Variants in PTPN21 observed in about 807,000 individuals in gnomAD.
The protein encoded by PTPN21 is protein tyrosine phosphatase non-receptor type 21, also known as tyrosine-protein phosphatase non-receptor type 21.
In PTPN21, 77 loss-of-function variants were observed where a neutral mutation model predicts 131.8. That is an observed-to-expected ratio of 0.58 (90% CI 0.49 to 0.71). The LOEUF (loss-of-function observed/expected upper bound fraction) is 0.71. Ranked by LOEUF, PTPN21 falls within the 30% of genes least tolerant of loss-of-function variation. The pLI is 0.00. For missense variants in PTPN21, 1,552 were observed against 1,527.1 expected (o/e 1.02, Z -0.27); for synonymous variants, 715 against 621.3 (o/e 1.15, Z -2.24).
chr14:88,535,834 G>A (rs2078623102), intron 2 of PTPN21, among the ~76,000 whole-genome samples: 3 of 152,176 alleles, frequency 2.0e-5, no homozygotes, highest in African/African-American at 7.2e-5. Flanking sequence ...CTTGGTCTAG[G>A]ATATCTTCCC....
intron 5 of PTPN21, 115 bp from the exon 6 acceptor site, chr14:88,504,610 G>A: frequency 1.3e-6 from 1 of 769,412 alleles, no homozygotes. Context: ...TATGACTATT[G>A]TTACTATATG....
At chr14:88,521,490 C>T (rs2078391287) in intron 2 of PTPN21, among the ~76,000 whole-genome samples, 4 of 151,690 alleles carry the variant, frequency 2.6e-5, no homozygotes, top group Admixed American at 6.6e-5. Context: ...GCAACCTCTG[C>T]CTTCCAGTTT....
rs1333409611 is a variant in PTPN21, at chr14:88,518,495, A to G, written c.181-1234T>C. On this transcript the variant is annotated intron_variant, in intron 2 of 18. Coordinates refer to ENST00000556564, the MANE Select transcript of PTPN21 (RefSeq NM_007039.4). The stretch of plus-strand genomic sequence containing the variant: ...GCCCAGGCTACAGTGCAGTGGCGCA[A>G]TCTCAGCTCACTGCAACCTCCGCTT... 2.4e-5 allele frequency among the ~76,000 whole-genome samples: 3 copies of G among 123,226 alleles called. No homozygotes were observed. The Admixed American group carries it at 2.8e-4, about 12-fold the overall frequency. The allele number at this position is 123,226 out of a possible 152,430, so 80.8% of individuals were successfully genotyped here. A position where few individuals can be genotyped will look rare whatever the true frequency, so the allele number is the denominator to read the frequency against.
chr14:88,541,247 T>C (rs1265510280), intron 2 of PTPN21, among the ~76,000 whole-genome samples: 3 of 152,212 alleles, frequency 2.0e-5, no homozygotes, highest in Non-Finnish European at 4.4e-5. Context: ...GTTAGCATCT[T>C]AGGCAAAAAC....
intron 6 of PTPN21, among the ~76,000 whole-genome samples, chr14:88,502,813 C>T (rs2078030941): frequency 6.6e-6 from 1 of 152,020 alleles, no homozygotes; most frequent in Non-Finnish European, 1.5e-5. Context: ...GGGTAATGAA[C>T]TTGGGCTAGT....
intron 1 of PTPN21, chr14:88,552,304 C>T (rs1401448701): frequency 4.6e-5 from 7 of 152,220 alleles, no homozygotes. Context: ...AAAAGGGTTC[C>T]GCTACTACCC....
rs750012248 is a variant in PTPN21, at chr14:88,469,821, AC to A, written c.3001-89del. 2 of 1,600,864 alleles carry A rather than the reference AC, an allele frequency of 1.2e-6. No homozygotes were observed. Among genetic ancestry groups the A allele is most frequent in the South Asian group, 2.2e-5 (2 of 90,712 alleles). The stretch of plus-strand genomic sequence containing the variant: ...ACGGCACATCTGAAACAGAACCACA[AC>A]CCTACCCTGCCTTTTTCTCCACAGG... On this transcript the variant is annotated intron_variant, in intron 16 of 18. Coordinates refer to ENST00000556564, the MANE Select transcript of PTPN21 (RefSeq NM_007039.4). This position sits in a 1 kb window ranked among gnomAD's most constrained non-coding sequence, Gnocchi z 4.3.
At chr14:88,510,974 G>A (rs373104720) in intron 3 of PTPN21, among the ~76,000 whole-genome samples, 66 of 151,318 alleles carry the variant, frequency 4.4e-4, no homozygotes, top group African/African-American at 1.1e-3. Flanking sequence ...GTGCAATGGC[G>A]TAATCAGGGC....
At chr14:88,490,188 T>C (rs907587035) in intron 10 of PTPN21, among the ~76,000 whole-genome samples, 4 of 152,042 alleles carry the variant, frequency 2.6e-5, no homozygotes, top group Admixed American at 1.3e-4. Context: ...TTTGCATTTT[T>C]AGTAGAGACG....
At chr14:88,549,734 G>A (rs1424035957) in intron 2 of PTPN21, among the ~76,000 whole-genome samples, 2 of 151,522 alleles carry the variant, frequency 1.3e-5, no homozygotes, top group African/African-American at 2.4e-5. Flanking sequence ...CAGTAGCTGC[G>A]ATTACAGGCA....
chr14:88,506,476 C>T (rs751234761), intron 4 of PTPN21, among the ~76,000 whole-genome samples: 34 of 152,054 alleles, frequency 2.2e-4, no homozygotes, highest in Non-Finnish European at 3.8e-4. Flanking sequence ...TGAGGTCTTG[C>T]TATGTTGCCC....
At chr14:88,535,250 T>C (rs1286580961) in intron 2 of PTPN21, among the ~76,000 whole-genome samples, 1 of 152,186 alleles carries the variant, frequency 6.6e-6, no homozygotes, top group Admixed American at 6.5e-5. Context: ...CTATACCACG[T>C]AGGTTTAAGT....
rs780632309 is a variant in PTPN21 at position 88,479,988 on chromosome 14, G to A, written c.1443C>T (p.Tyr481=). The A allele has an allele frequency of 1.3e-5, 21 of 1,611,562 alleles. No homozygotes were observed. The highest frequency in any genetic ancestry group is 1.2e-4 in the Admixed American group (7 of 60,008). The part of the protein sequence containing the change: ...SLRNLNIGSS[Y]AYSRPAALVY... ...CCAGCGCCGCGGGCCTGCTGTAGGCGTACGAGCTGCCGATGTTGAGGTTTC... is the reference window on the plus strand; with the variant it reads ...CCAGCGCCGCGGGCCTGCTGTAGGCATACGAGCTGCCGATGTTGAGGTTTC... Residue 481 remains tyrosine, a synonymous_variant, in exon 13 of 19, where the codon TAC becomes TAT. Transcript: ENST00000556564.
intron 6 of PTPN21, among the ~76,000 whole-genome samples, chr14:88,502,788 A>G (rs147876268): frequency 6.6e-6 from 1 of 152,168 alleles, no homozygotes; most frequent in Admixed American, 6.5e-5. Flanking sequence ...AACTTGTAGG[A>G]GGCCTTTAAT....
intron 10 of PTPN21, chr14:88,493,018 G>T (rs1305278090): frequency 6.6e-6 from 3 of 451,300 alleles, no homozygotes; most frequent in Admixed American, 2.4e-5. Context: ...ACTCTAACAG[G>T]CTAGCACAGC....
rs2077591804 is a variant in PTPN21 at position 88,479,051 on chromosome 14, G to A, written c.2380C>T (p.Pro794Ser). 3.1e-6 allele frequency: 5 copies of A among 1,607,032 alleles called. No individual in the cohort carries two copies. The highest frequency in any genetic ancestry group is 4.5e-5 in the East Asian group (2 of 44,542). The change falls in exon 13 of 19, where the codon CCC becomes TCC. Residue 794 changes from proline to serine, a missense_variant. Physicochemically the swap from Pro to Ser is moderately conservative, Grantham distance 74 (BLOSUM62 -1). This residue lies in a region of PTPN21 where 1,016 missense variants were observed against 883.5 expected (regional missense o/e 1.15). Transcript: ENST00000556564. ...QRPWRDGLLM[P>S]SMSESDLTTS... ...GTGAGGTCGGACTCCGACATGGAGGGCATCAGCAGCCCGTCTCTCCAGGGC... is the reference window on the plus strand; with the variant it reads ...GTGAGGTCGGACTCCGACATGGAGGACATCAGCAGCCCGTCTCTCCAGGGC...
intron 3 of PTPN21, among the ~76,000 whole-genome samples, chr14:88,514,345 A>T (rs1051274686): frequency 1.2e-4 from 19 of 152,008 alleles, no homozygotes; most frequent in African/African-American, 4.6e-4. Context: ...TTAATTTTTT[A>T]AGTTCATTTT....
At chr14:88,483,129 G>A (rs941932991) in intron 12 of PTPN21, among the ~76,000 whole-genome samples, 29 of 150,572 alleles carry the variant, frequency 1.9e-4, no homozygotes, top group African/African-American at 6.8e-4. Context: ...GGAGAATGGC[G>A]TGAACCCAGG....
At chr14:88,554,594 C>G (rs1237933624) in intron 1 of PTPN21, 57 bp downstream of exon 1, 3 of 150,102 alleles carry the variant, frequency 2.0e-5, no homozygotes, top group Non-Finnish European at 3.0e-5. Flanking sequence ...AGTGGACACA[C>G]CCCACCGCTC....
Sources: allele counts gnomAD v4.1 joint callset (sites outside exome capture counted in the v4.1 genomes callset), GRCh38; gene constraint gnomAD v4.1.1; regional missense constraint gnomAD v4.1.1; non-coding constraint Gnocchi (gnomAD v3.1); transcripts MANE v1.5; gene names NCBI Gene and HGNC (gene_info 2026-07-23, HGNC 2026-07-21).